Variants in LUZP2 observed in about 807,000 individuals in gnomAD.
LUZP2 encodes the protein leucine zipper protein 2.
In LUZP2, 52 loss-of-function variants were observed where a neutral mutation model predicts 51.6. That is an observed-to-expected ratio of 1.01 (90% CI 0.81 to 1.27). LUZP2 has a LOEUF of 1.27. Among genes scored for constraint, LUZP2 ranks in the 50% most tolerant of loss-of-function variants. The probability of loss-of-function intolerance (pLI) is 0.00; values close to 1 mark genes in which losing one functional copy is unlikely to be tolerated. For synonymous variants in LUZP2, 154 were observed against 137.3 expected (o/e 1.12, Z -0.85); for missense variants, 436 against 395.4 (o/e 1.10, Z -0.87).
intron 9 of LUZP2, among the ~76,000 whole-genome samples, chr11:25,033,804 T>G (rs539476379): frequency 1.3e-3 from 192 of 152,234 alleles, no homozygotes; most frequent in African/African-American, 4.4e-3. Context: ...CATGTACACA[T>G]TTTCTTGATC....
intron 10 of LUZP2, among the ~76,000 whole-genome samples, chr11:25,069,057 T>C (rs909110493): frequency 1.3e-5 from 2 of 152,040 alleles, no homozygotes; most frequent in Non-Finnish European, 2.9e-5. Flanking sequence ...ACCAACCATT[T>C]ACTTAGGGAT....
intron 9 of LUZP2, among the ~76,000 whole-genome samples, chr11:25,035,553 G>A (rs1490177658): frequency 6.6e-6 from 1 of 151,892 alleles, no homozygotes; most frequent in Non-Finnish European, 1.5e-5. Flanking sequence ...CAAATAAATT[G>A]AAAAACCTTC....
Position 24,798,535 on chromosome 11 carries a change from G to A in LUZP2, c.396+35227G>A, listed in dbSNP as rs192661052. 4.7e-4 allele frequency among the ~76,000 whole-genome samples: 71 copies of A among 152,196 alleles called. No individual in the cohort carries two copies. The South Asian group carries it at 9.1e-3, about 20-fold the overall frequency. The stretch of plus-strand genomic sequence containing the variant: ...TTTGAAAAACTAACAATATATTTGC[G>A]CCACAAGGGGAAGGAGTCCCCTAAG... On this transcript the variant is annotated intron_variant, in intron 5 of 11. Transcript: ENST00000336930.
chr11:24,994,381 G>A (rs1856437895), intron 9 of LUZP2, among the ~76,000 whole-genome samples: 1 of 152,106 alleles, frequency 6.6e-6, no homozygotes, highest in Non-Finnish European at 1.5e-5. Flanking sequence ...AACACCATTT[G>A]TTGAAAAGAC....
At chr11:24,763,826 A>G (rs1860079868) in intron 5 of LUZP2, among the ~76,000 whole-genome samples, 1 of 152,182 alleles carries the variant, frequency 6.6e-6, no homozygotes, top group Non-Finnish European at 1.5e-5. Context: ...ATCTTGTTAT[A>G]CAATTACTTT....
At chr11:24,685,953 A>G (rs1856885229) in intron 1 of LUZP2, among the ~76,000 whole-genome samples, 1 of 152,194 alleles carries the variant, frequency 6.6e-6, no homozygotes, top group South Asian at 2.1e-4. Flanking sequence ...TTATTAGATT[A>G]TCCTATATTT....
intron 9 of LUZP2, among the ~76,000 whole-genome samples, chr11:25,020,242 A>G (rs186122301): frequency 1.3e-5 from 2 of 152,258 alleles, no homozygotes; most frequent in Non-Finnish European, 2.9e-5. Context: ...AGTACCACAT[A>G]TACTATTTTG....
intron 7 of LUZP2, among the ~76,000 whole-genome samples, chr11:24,965,434 A>G (rs1216328479): frequency 6.6e-6 from 1 of 151,632 alleles, no homozygotes; most frequent in African/African-American, 2.4e-5. Flanking sequence ...AAGAAAGAAT[A>G]TCAACAAAAT....
chr11:24,861,535 A>T lies in LUZP2; in HGVS notation c.397-44456A>T, dbSNP rs112012803. On this transcript the variant is annotated intron_variant, in intron 5 of 11. Transcript: ENST00000336930. ...ATTAAGATACTCCACAAAATGCCCA[A>T]CCCCAAGACACATAATTGCCGGGTC... Among the ~76,000 whole-genome samples the T allele has an allele frequency of 7.0e-3, 1,063 of 152,174 alleles. 13 individuals are homozygous for T. The highest frequency in any genetic ancestry group is 0.024 in the African/African-American group (1,004 of 41,512).
intron 7 of LUZP2, among the ~76,000 whole-genome samples, chr11:24,947,958 T>G (rs1480468581): frequency 1.3e-5 from 2 of 151,914 alleles, no homozygotes; most frequent in South Asian, 2.1e-4. Context: ...GTTTGTCTTA[T>G]GTGAAGATTG....
intron 5 of LUZP2, among the ~76,000 whole-genome samples, chr11:24,812,967 A>AC (rs1218932519): frequency 1.3e-5 from 2 of 152,198 alleles, no homozygotes; most frequent in Non-Finnish European, 2.9e-5. Flanking sequence ...TGCACTTAAT[A>AC]CCATGCCACT....
At chr11:24,594,220 A>G (rs1290012237) in intron 1 of LUZP2, among the ~76,000 whole-genome samples, 1 of 152,190 alleles carries the variant, frequency 6.6e-6, no homozygotes, top group Admixed American at 6.5e-5. Context: ...TAAAATCCAT[A>G]TTTGTTATTC....
chr11:24,845,920 G>C (rs1330165643), intron 5 of LUZP2, among the ~76,000 whole-genome samples: 2 of 151,668 alleles, frequency 1.3e-5, no homozygotes, highest in African/African-American at 4.8e-5. Flanking sequence ...ATAAAAAGAG[G>C]GAAAATAAAG....
chr11:24,746,868 AT>A (rs1370469786), intron 4 of LUZP2, among the ~76,000 whole-genome samples: 1 of 152,048 alleles, frequency 6.6e-6, no homozygotes, highest in Non-Finnish European at 1.5e-5. Context: ...GAGCATTTGC[AT>A]TTCTATAAGT....
chr11:24,771,462 G>A lies in LUZP2; in HGVS notation c.396+8154G>A, dbSNP rs908179003. ...TTTCTTAACATGATGCAAATGCCTT[G>A]AAGTTAGAAACCTACCTTCCATAGC... is the stretch of plus-strand genomic sequence containing the variant. On this transcript the variant is annotated intron_variant, in intron 5 of 11. Coordinates refer to ENST00000336930, the MANE Select transcript of LUZP2 (RefSeq NM_001009909.4). Among the ~76,000 whole-genome samples the A allele has an allele frequency of 1.5e-5, 2 of 134,516 alleles. 1 individual carries two copies. Among genetic ancestry groups the A allele is most frequent in the African/African-American group, 5.4e-5 (2 of 37,314 alleles). The allele number at this position is 134,516 out of a possible 152,430, so 88.2% of individuals were successfully genotyped here.
At chr11:24,571,086 A>T (rs1294886681) in intron 1 of LUZP2, among the ~76,000 whole-genome samples, 1 of 152,096 alleles carries the variant, frequency 6.6e-6, no homozygotes, top group South Asian at 2.1e-4. Context: ...TAATCTTGCA[A>T]CTTAAGCTGC....
chr11:24,821,634 G>C (rs1385203270), intron 5 of LUZP2, among the ~76,000 whole-genome samples: 5 of 152,010 alleles, frequency 3.3e-5, no homozygotes, highest in Non-Finnish European at 5.9e-5. Context: ...TCTGTCTTCT[G>C]TCAGTTACTG....
At chr11:25,021,784 AG>A (rs1857341663) in intron 9 of LUZP2, among the ~76,000 whole-genome samples, 1 of 30,402 alleles carries the variant, frequency 3.3e-5, no homozygotes, top group Admixed American at 2.7e-4. Context: ...AGGGGAATAT[AG>A]AGAGTCTGTG....
intron 9 of LUZP2, among the ~76,000 whole-genome samples, chr11:24,993,633 G>T (rs1404732256): frequency 6.6e-6 from 1 of 151,810 alleles, no homozygotes; most frequent in Non-Finnish European, 1.5e-5. Flanking sequence ...AATGTTTATT[G>T]TCCTGATATC....
Sources: gnomAD v4.1 joint callset for allele counts (sites outside exome capture counted in the v4.1 genomes callset) on GRCh38, gnomAD v4.1.1 for gene constraint, MANE v1.5 for transcripts, NCBI Gene and HGNC (gene_info 2026-07-23, HGNC 2026-07-21) for gene names.